GNAO1: variants seen among roughly 807,000 people sequenced by gnomAD.
The protein encoded by GNAO1 is guanine nucleotide-binding protein G(o) subunit alpha.
For synonymous variants in GNAO1, 164 were observed against 180.7 expected, an observed-to-expected ratio of 0.91 and a Z score of 0.74; for missense variants, 166 against 478.7, an observed-to-expected ratio of 0.35 and a Z score of 6.10.
intron 2 of GNAO1, among the ~76,000 whole-genome samples, chr16:56,202,468 T>C (rs1199057750): frequency 6.6e-6 from 1 of 152,244 alleles, no homozygotes; most frequent in Non-Finnish European, 1.5e-5. Context: ...TTATTGTTCA[T>C]TTCTACATGG....
intron 3 of GNAO1, among the ~76,000 whole-genome samples, chr16:56,299,421 C>T (rs537783261): frequency 2.0e-5 from 3 of 152,392 alleles, no homozygotes; most frequent in African/African-American, 7.2e-5. Flanking sequence ...TCAGAAAGGG[C>T]CTGGCATGAG....
At chr16:56,325,054 C>A (rs2037617818) in intron 3 of GNAO1, among the ~76,000 whole-genome samples, 2 of 152,242 alleles carry the variant, frequency 1.3e-5, no homozygotes, top group South Asian at 4.1e-4. Flanking sequence ...AGGATGCCTG[C>A]AGACTTTCAG....
At chr16:56,223,485 A>T (rs2036508991) in intron 2 of GNAO1, among the ~76,000 whole-genome samples, 1 of 152,216 alleles carries the variant, frequency 6.6e-6, no homozygotes. Context: ...ATAATCCAGG[A>T]TAATCTCCAC....
At chr16:56,296,822 T>C (rs529014213) in intron 3 of GNAO1, among the ~76,000 whole-genome samples, 1 of 152,148 alleles carries the variant, frequency 6.6e-6, no homozygotes, top group South Asian at 2.1e-4. Flanking sequence ...AGAATCTGAG[T>C]TGTTTCTGGA....
chr16:56,233,594 A>G (rs2036610937), intron 2 of GNAO1, among the ~76,000 whole-genome samples: 1 of 152,194 alleles, frequency 6.6e-6, no homozygotes, highest in South Asian at 2.1e-4. Context: ...GGAAGGTGGC[A>G]GTGTCATCTG....
intron 2 of GNAO1, among the ~76,000 whole-genome samples, chr16:56,225,505 C>A (rs1370080742): frequency 6.6e-6 from 1 of 152,152 alleles, no homozygotes; most frequent in Non-Finnish European, 1.5e-5. Context: ...ATTGTTTGGG[C>A]TCTAGCTAGT....
At chr16:56,271,763 A>G (rs2037020230) in intron 2 of GNAO1, among the ~76,000 whole-genome samples, 1 of 152,346 alleles carries the variant, frequency 6.6e-6, no homozygotes, top group East Asian at 1.9e-4. Flanking sequence ...GAAAATATTA[A>G]TAGCTACCAT....
intron 3 of GNAO1, among the ~76,000 whole-genome samples, chr16:56,319,074 T>C (rs1461393117): frequency 6.6e-6 from 1 of 152,242 alleles, no homozygotes; most frequent in Non-Finnish European, 1.5e-5. Flanking sequence ...GGAAGAGGCC[T>C]TTTATTAAGC....
chr16:56,218,723 G>C (rs565782011), intron 2 of GNAO1, among the ~76,000 whole-genome samples: 1 of 152,246 alleles, frequency 6.6e-6, no homozygotes, highest in African/African-American at 2.4e-5. Context: ...AAGATTTTGT[G>C]TGTGATCTCT....
intron 2 of GNAO1, among the ~76,000 whole-genome samples, chr16:56,248,204 A>T (rs1266350412): frequency 1.3e-5 from 2 of 152,236 alleles, no homozygotes; most frequent in Admixed American, 6.5e-5. Flanking sequence ...TAGAGAAATT[A>T]ATATGCAAAA....
At chr16:56,240,941 A>C (rs1274049636) in intron 2 of GNAO1, among the ~76,000 whole-genome samples, 1 of 152,202 alleles carries the variant, frequency 6.6e-6, no homozygotes, top group Non-Finnish European at 1.5e-5. Context: ...AGGGAATGAC[A>C]GTCAAGGCCA....
chr16:56,331,911 T>C (rs1373607554), intron 4 of GNAO1, among the ~76,000 whole-genome samples: 1 of 152,114 alleles, frequency 6.6e-6, no homozygotes, highest in East Asian at 1.9e-4. Context: ...TAGAAGCTGC[T>C]CTGTGTGCTC....
chr16:56,342,481 T>C (rs146386718), intron 6 of GNAO1, among the ~76,000 whole-genome samples: 83 of 152,340 alleles, frequency 5.4e-4, no homozygotes, highest in Non-Finnish European at 1.0e-3. Context: ...GTCCTGTTCT[T>C]CTGCCCCTTC....
chr16:56,283,206 G>A (rs1341818886), intron 3 of GNAO1, among the ~76,000 whole-genome samples: 5 of 152,184 alleles, frequency 3.3e-5, no homozygotes, highest in Non-Finnish European at 1.5e-5. Flanking sequence ...CTAGGTGCCT[G>A]GAATTTCCCT....
intron 3 of GNAO1, among the ~76,000 whole-genome samples, chr16:56,312,284 T>A (rs1437663161): frequency 6.6e-6 from 1 of 152,196 alleles, no homozygotes; most frequent in African/African-American, 2.4e-5. Context: ...CCATCTGATC[T>A]TCGGTTTGTC....
intron 3 of GNAO1, among the ~76,000 whole-genome samples, chr16:56,318,078 T>C (rs2037530859): frequency 6.6e-6 from 1 of 152,130 alleles, no homozygotes; most frequent in Non-Finnish European, 1.5e-5. Context: ...TTGGTACCAC[T>C]TCCACTGAGA....
At chr16:56,268,654 C>T (rs2036982727) in intron 2 of GNAO1, among the ~76,000 whole-genome samples, 1 of 152,200 alleles carries the variant, frequency 6.6e-6, no homozygotes, top group African/African-American at 2.4e-5. Context: ...CTGAATGCCA[C>T]CACCCAAAAG....
intron 3 of GNAO1, among the ~76,000 whole-genome samples, chr16:56,280,686 G>T (rs1421179557): frequency 1.3e-5 from 2 of 152,170 alleles, no homozygotes; most frequent in African/African-American, 4.8e-5. Flanking sequence ...GGTCAGAAAG[G>T]CAGTAGAGTG....
intron 6 of GNAO1, chr16:56,343,730 C>T (rs754769146): frequency 3.4e-5 from 53 of 1,576,156 alleles, no homozygotes; most frequent in Middle Eastern, 1.7e-4. Flanking sequence ...ATGGGCCTCT[C>T]GCCTCACCAC....
Sources: allele counts gnomAD v4.1 joint callset (sites outside exome capture counted in the v4.1 genomes callset), GRCh38; gene constraint gnomAD v4.1.1; transcripts MANE v1.5; gene names NCBI Gene and HGNC (gene_info 2026-07-23, HGNC 2026-07-21).